Variants in DNAH9 observed in about 807,000 individuals in gnomAD.
DNAH9 encodes DNAH9 variant protein.
Under a neutral mutation model 471.6 loss-of-function variants are expected in DNAH9, and 345 were observed. That is an observed-to-expected ratio of 0.73 (90% CI 0.67 to 0.80). The LOEUF (loss-of-function observed/expected upper bound fraction) is 0.80. Ranked by LOEUF, DNAH9 falls within the 30% of genes least tolerant of loss-of-function variation. The pLI is 0.00. For synonymous variants in DNAH9, 2,093 were observed against 2,123.6 expected (o/e 0.99, Z 0.40); for missense variants, 5,407 against 5,609.2 (o/e 0.96, Z 1.15).
intron 51 of DNAH9, among the ~76,000 whole-genome samples, chr17:11,869,899 G>C (rs923159527): frequency 3.3e-5 from 5 of 152,212 alleles, no homozygotes; most frequent in African/African-American, 1.2e-4. Flanking sequence ...TGCTCCATGT[G>C]GCCATGACTG....
intron 35 of DNAH9, among the ~76,000 whole-genome samples, chr17:11,758,116 G>A (rs1010332844): frequency 2.0e-5 from 3 of 152,242 alleles, no homozygotes; most frequent in Non-Finnish European, 4.4e-5. Flanking sequence ...CCCACTCCCC[G>A]TCCCTGGCTG....
At chr17:11,865,853 C>G (rs1482653747) in intron 50 of DNAH9, among the ~76,000 whole-genome samples, 3 of 152,214 alleles carry the variant, frequency 2.0e-5, no homozygotes, top group Non-Finnish European at 4.4e-5. Context: ...GTTCTCGTGC[C>G]TTGGCTTTCA....
At chr17:11,699,915 T>G in intron 23 of DNAH9, 32 bp downstream of exon 23, 1 of 1,610,638 alleles carries the variant, frequency 6.2e-7, no homozygotes, top group African/African-American at 1.3e-5. Context: ...CTCCTTCTGC[T>G]TTTCTCTCTC....
chr17:11,723,302 G>A (rs2075094212), intron 27 of DNAH9: 1 of 152,192 alleles, frequency 6.6e-6, no homozygotes, highest in Non-Finnish European at 1.5e-5. Flanking sequence ...AGGAACCTGG[G>A]TTACTTCATG....
intron 45 of DNAH9, among the ~76,000 whole-genome samples, chr17:11,819,322 GT>G (rs1335931320): frequency 6.6e-6 from 1 of 152,012 alleles, no homozygotes; most frequent in East Asian, 1.9e-4. Flanking sequence ...AATCAAATGG[GT>G]TTCTTTCTTA....
chr17:11,874,737 A>G (rs774155543), intron 52 of DNAH9, among the ~76,000 whole-genome samples: 1 of 146,858 alleles, frequency 6.8e-6, no homozygotes, highest in Admixed American at 6.8e-5. Context: ...GAATTTCTGC[A>G]GTTATTCATC....
intron 67 of DNAH9, among the ~76,000 whole-genome samples, chr17:11,961,309 C>T (rs759713017): frequency 6.6e-6 from 1 of 151,996 alleles, no homozygotes; most frequent in Non-Finnish European, 1.5e-5. Context: ...AGTGAGACTC[C>T]GTCTCCAAAA....
intron 43 of DNAH9, among the ~76,000 whole-genome samples, chr17:11,806,065 A>T (rs957522532): frequency 6.6e-6 from 1 of 152,148 alleles, no homozygotes; most frequent in African/African-American, 2.4e-5. Flanking sequence ...TTGGTCCCCA[A>T]ATCACCAATA....
Position 11,747,561 on chromosome 17 carries a change from C to G in DNAH9, c.6405C>G (p.Val2135=), listed in dbSNP as rs369967802. Residue 2135 remains valine, a synonymous_variant, in exon 32 of 69, where the codon GTC becomes GTG. Transcript: ENST00000262442. ...TGAATTTCCTGCCTCCTCAGGTGGTCCAGCTGGAGGAGCTCCTGGCTGTGC... is the reference window on the plus strand; with the variant it reads ...TGAATTTCCTGCCTCCTCAGGTGGTGCAGCTGGAGGAGCTCCTGGCTGTGC... The part of the protein sequence containing the change: ...QAEDNFVLKV[V]QLEELLAVRH... The G allele has an allele frequency of 3.3e-4, 530 of 1,613,006 alleles. 1 individual carries two copies. The highest frequency in any genetic ancestry group is 4.4e-4 in the Non-Finnish European group (521 of 1,179,906).
chr17:11,834,805 G>A lies in DNAH9; in HGVS notation c.9414G>A (p.Glu3138=). 6.2e-7 allele frequency: 1 copy of A among 1,614,132 alleles called. No homozygotes were observed. Residue 3138 remains glutamate (E), a synonymous_variant, in exon 49 of 69, where the codon GAG becomes GAA. Coordinates refer to ENST00000262442, the MANE Select transcript of DNAH9 (RefSeq NM_001372.4). ...AGAAGGTGGCCGTCATCATGCTAGA[G>A]GTGAAACAGAAGCAGAAGGACTGTG... ...EEQKVAVIML[E]VKQKQKDCEE...
intron 49 of DNAH9, among the ~76,000 whole-genome samples, chr17:11,842,418 G>T (rs764983039): frequency 1.3e-5 from 2 of 152,174 alleles, no homozygotes; most frequent in South Asian, 4.1e-4. Flanking sequence ...AGAACTAATA[G>T]GATAGATGTA....
At chr17:11,742,151 G>C (rs745946500) in intron 29 of DNAH9, 24 bp from the exon 30 acceptor site, 3 of 1,612,874 alleles carry the variant, frequency 1.9e-6, no homozygotes, top group Non-Finnish European at 2.5e-6. Context: ...AAACTGACTG[G>C]GCCTTCTGTC....
chr17:11,748,445 G>A (rs1344377806), intron 32 of DNAH9, among the ~76,000 whole-genome samples: 1 of 152,202 alleles, frequency 6.6e-6, no homozygotes, highest in South Asian at 2.1e-4. Flanking sequence ...TATGTGTTGG[G>A]TAGGGAAGCC....
intron 27 of DNAH9, among the ~76,000 whole-genome samples, chr17:11,721,730 G>A (rs2075063507): frequency 3.9e-5 from 6 of 152,158 alleles, no homozygotes; most frequent in Admixed American, 3.3e-4. Context: ...AGTATAACCC[G>A]ATTTTATTTG....
chr17:11,649,323 TTCA>T (rs1384388638), intron 12 of DNAH9, among the ~76,000 whole-genome samples: 1 of 152,310 alleles, frequency 6.6e-6, no homozygotes, highest in African/African-American at 2.4e-5. Context: ...CAGTCTATAT[TTCA>T]TTGATTCTAG....
chr17:11,813,970 C>T (rs1970008040), intron 45 of DNAH9, among the ~76,000 whole-genome samples: 1 of 152,180 alleles, frequency 6.6e-6, no homozygotes, highest in African/African-American at 2.4e-5. Context: ...AGATGAACCA[C>T]ATATTTGAGT....
chr17:11,828,290 A>C (rs1377171647), intron 48 of DNAH9, among the ~76,000 whole-genome samples: 2 of 151,984 alleles, frequency 1.3e-5, no homozygotes, highest in Admixed American at 1.3e-4. Flanking sequence ...CCTGGCCAAC[A>C]TGGTGAAACC....
intron 24 of DNAH9, 66 bp downstream of exon 24, chr17:11,701,313 C>T (rs2074591136): frequency 1.3e-6 from 2 of 1,553,548 alleles, no homozygotes; most frequent in Admixed American, 3.4e-5. Flanking sequence ...CCTCCCCCAG[C>T]CTTCAGCAGC....
chr17:11,820,015 T>C (rs890630033), intron 45 of DNAH9, among the ~76,000 whole-genome samples: 1 of 152,028 alleles, frequency 6.6e-6, no homozygotes, highest in Non-Finnish European at 1.5e-5. Flanking sequence ...TTTTTTGTCA[T>C]ATTCTTGATT....
Sources: gnomAD v4.1 joint callset for allele counts (sites outside exome capture counted in the v4.1 genomes callset) on GRCh38, gnomAD v4.1.1 for gene constraint, MANE v1.5 for transcripts, NCBI Gene and HGNC (gene_info 2026-07-23, HGNC 2026-07-21) for gene names.